Variants in AP3B2 observed in about 807,000 individuals in gnomAD.
The protein encoded by AP3B2 is AP-3 complex subunit beta-2.
A neutral mutation model predicts 126.9 loss-of-function variants in AP3B2; 50 were observed. That is an observed-to-expected ratio of 0.39 (90% confidence interval 0.31 to 0.50). The LOEUF is 0.50. Ranked by LOEUF, AP3B2 falls within the 20% of genes least tolerant of loss-of-function variation. The probability of loss-of-function intolerance (pLI) is 0.79; values close to 1 mark genes in which losing one functional copy is unlikely to be tolerated. For missense variants in AP3B2, 1,177 were observed against 1,426.4 expected, an observed-to-expected ratio of 0.83 and a Z score of 2.82; for synonymous variants, 541 against 565.0, an observed-to-expected ratio of 0.96 and a Z score of 0.60.
intron 1 of AP3B2, among the ~76,000 whole-genome samples, chr15:82,695,195 G>A (rs2048614024): frequency 1.3e-5 from 2 of 151,542 alleles, no homozygotes; most frequent in Admixed American, 1.3e-4. Flanking sequence ...CACCTTCTGG[G>A]TTGAAGCAAT....
At chr15:82,691,894 C>G in intron 1 of AP3B2, 2 of 1,267,156 alleles carry the variant, frequency 1.6e-6, no homozygotes, top group Non-Finnish European at 2.3e-6. Flanking sequence ...TAGTGTCATC[C>G]AATTTATGCA....
At position 82,663,176 on chromosome 15, in the gene AP3B2, G is replaced by C; in HGVS notation, c.2555C>G (p.Ala852Gly). The C allele has an allele frequency of 6.2e-7, 1 of 1,612,920 alleles. No homozygotes were observed. Among genetic ancestry groups the C allele is most frequent in the Non-Finnish European group, 8.5e-7 (1 of 1,179,764 alleles). ...GAGTGTCAGGCCCTCCAGGTCAGCA[G>C]CCAGACTGGTAGACACAATTGCTGG... is the stretch of plus-strand genomic sequence containing the variant. ...SPPAIVSTSL[A>G]ADLEGLTLTD... The change falls in exon 22 of 27, where the codon GCT becomes GGT. Residue 852 changes from alanine (A) to glycine (G), a missense_variant. By Grantham distance (60) the Ala-to-Gly change is moderately conservative (BLOSUM62 0). This residue lies in a region of AP3B2 where 587 missense variants were observed against 571.3 expected (regional missense o/e 1.03). Transcript: ENST00000535359.
chr15:82,699,445 C>T (rs2048683784), intron 1 of AP3B2, among the ~76,000 whole-genome samples: 1 of 152,146 alleles, frequency 6.6e-6, no homozygotes, highest in Non-Finnish European at 1.5e-5. Context: ...CCTCATCTCT[C>T]CTCACTCATA....
chr15:82,665,133 T>C lies in AP3B2; in HGVS notation c.2028+114A>G. 7.8e-7 allele frequency: 1 copy of C among 1,283,540 alleles called. No homozygotes were observed. The highest frequency in any genetic ancestry group is 1.1e-6 in the Non-Finnish European group (1 of 924,440). 79.5% of individuals were successfully genotyped at this position (1,283,540 alleles called of 1,614,324 possible). On this transcript the variant is annotated intron_variant, in intron 17 of 26. Coordinates refer to ENST00000535359, the MANE Select transcript of AP3B2 (RefSeq NM_001278512.2). This position sits in a 1 kb window ranked among gnomAD's most constrained non-coding sequence, Gnocchi z 4.4. The stretch of plus-strand genomic sequence containing the variant: ...GGGAATGCTGCTCACAGAGGAGCAC[T>C]GCCAAACCAAGGTGGAAACAGAGTA...
chr15:82,661,406 A>C (rs551756782), intron 25 of AP3B2, among the ~76,000 whole-genome samples: 1 of 152,272 alleles, frequency 6.6e-6, no homozygotes, highest in South Asian at 2.1e-4. Context: ...GGTTTTGCAA[A>C]TTACAGCCTC....
intron 14 of AP3B2, among the ~76,000 whole-genome samples, chr15:82,669,209 G>C (rs977595408): frequency 1.3e-5 from 2 of 152,166 alleles, no homozygotes; most frequent in Non-Finnish European, 2.9e-5. Flanking sequence ...AGAAGACTCT[G>C]TATTGGAAGT....
At position 82,664,527 on chromosome 15, in the gene AP3B2, G is replaced by A; in HGVS notation, c.2138-37C>T. On this transcript the variant is annotated intron_variant, in intron 18 of 26. Transcript: ENST00000535359. The surrounding 1 kb of genome is among the most constrained non-coding windows in gnomAD (Gnocchi z 4.5). ...CAATATGAGGCCTCCTCCCTCATAT[G>A]CAGGCCTCCTTGGGTCTGGAGCAGA... is the stretch of plus-strand genomic sequence containing the variant. 6.3e-7 allele frequency: 1 copy of A among 1,592,728 alleles called. No individual in the cohort carries two copies.
In AP3B2 at chr15:82,681,149, A is replaced by G. The variant is rs762190371; in HGVS notation, c.551T>C (p.Ile184Thr). ...AGCCAGAAGCTTCTCAATGACTTCT[A>G]TCAGCTGATCCTTCTGGTCAGAGTC... ...SLDSDQKDQL[I>T]EVIEKLLADK... The change falls in exon 6 of 27, where the codon ATA becomes ACA. Residue 184 changes from isoleucine to threonine, a missense_variant. Ile to Thr is a moderately conservative substitution (Grantham distance 89). Around this residue, in one of 5 missense-constraint regions of AP3B2, gnomAD observed 130 missense variants for 262.0 expected, o/e 0.50. Coordinates refer to ENST00000535359, the MANE Select transcript of AP3B2 (RefSeq NM_001278512.2). This position sits in a 1 kb window ranked among gnomAD's most constrained non-coding sequence, Gnocchi z 4.0. 8 of 1,613,008 alleles carry G rather than the reference A, an allele frequency of 5.0e-6. No homozygotes were observed. Among genetic ancestry groups the G allele is most frequent in the African/African-American group, 1.3e-5 (1 of 75,006 alleles).
At chr15:82,706,241 C>T (rs2048793806) in intron 1 of AP3B2, among the ~76,000 whole-genome samples, 1 of 152,144 alleles carries the variant, frequency 6.6e-6, no homozygotes, top group African/African-American at 2.4e-5. Flanking sequence ...ATACTTTCTG[C>T]CCCCCTCCAC....
intron 12 of AP3B2, 120 bp downstream of exon 12, chr15:82,677,551 C>T: frequency 1.4e-6 from 2 of 1,414,776 alleles, no homozygotes; most frequent in Non-Finnish European, 9.5e-7. Context: ...TCAAGACAGA[C>T]AGACCAATGG....
chr15:82,698,868 G>C (rs1013122796), intron 1 of AP3B2, among the ~76,000 whole-genome samples: 1 of 152,136 alleles, frequency 6.6e-6, no homozygotes, highest in Non-Finnish European at 1.5e-5. Flanking sequence ...GGAATGAAAG[G>C]GGGCAGGACC....
Position 82,689,377 on chromosome 15 carries a change from C to T in AP3B2, c.189+1G>A. On this transcript the variant is annotated splice_donor_variant, in intron 2 of 26. Coordinates refer to ENST00000535359, the MANE Select transcript of AP3B2 (RefSeq NM_001278512.2). LOFTEE classifies it high-confidence loss of function. ...GGGAGGCCTCCTCCTTCCCCTCTTA[C>T]CGCCACAATCCTCTTCATGGCCTCC... 1 of 1,613,872 alleles carries T rather than the reference C, an allele frequency of 6.2e-7. No individual in the cohort carries two copies. Among genetic ancestry groups the T allele is most frequent in the Non-Finnish European group, 8.5e-7 (1 of 1,179,862 alleles).
In AP3B2 at chr15:82,680,106, C is replaced by T; in HGVS notation, c.1110+69G>A. 6.3e-7 allele frequency: 1 copy of T among 1,597,446 alleles called. No homozygotes were observed. The highest frequency in any genetic ancestry group is 8.5e-7 in the Non-Finnish European group (1 of 1,170,904). On this transcript the variant is annotated intron_variant, in intron 9 of 26. Transcript: ENST00000535359. The surrounding 1 kb of genome is among the most constrained non-coding windows in gnomAD (Gnocchi z 6.1). Reference sequence around the variant, plus strand: ...CTTTCCCCGGCCCCGGTCCCAGCCCCGACAACGCCTCCAGTGCCCGCAGAA... The same window carrying T: ...CTTTCCCCGGCCCCGGTCCCAGCCCTGACAACGCCTCCAGTGCCCGCAGAA...
At chr15:82,702,694 C>A (rs1239515461) in intron 1 of AP3B2, among the ~76,000 whole-genome samples, 1 of 152,088 alleles carries the variant, frequency 6.6e-6, no homozygotes, top group African/African-American at 2.4e-5. Context: ...TCAGACTCAG[C>A]CGGCCTGCAA....
intron 14 of AP3B2, among the ~76,000 whole-genome samples, chr15:82,671,505 G>A (rs572804896): frequency 4.5e-4 from 68 of 152,208 alleles, no homozygotes; most frequent in African/African-American, 1.4e-3. Flanking sequence ...TTGGGAGGCC[G>A]AGGTGGGTGG....
At chr15:82,674,446 C>T (rs2048210241) in intron 14 of AP3B2, among the ~76,000 whole-genome samples, 1 of 152,224 alleles carries the variant, frequency 6.6e-6, no homozygotes, top group Non-Finnish European at 1.5e-5. Context: ...GGTGAGTGTC[C>T]ATTTGCCTGA....
Position 82,709,663 on chromosome 15 carries a change from G to A in AP3B2, c.44C>T (p.Ala15Val), listed in dbSNP as rs2048852501. The A allele has an allele frequency of 1.3e-6, 2 of 1,511,664 alleles. No individual in the cohort carries two copies. 93.6% of individuals were successfully genotyped at this position (1,511,664 alleles called of 1,614,324 possible). The stretch of plus-strand genomic sequence containing the variant: ...GCCGTACTCGGGCTCCCCGGGGCCA[G>A]CGGAGCCGCCCTTGTCTTCGCTGTA... ...PAYSEDKGGS[A>V]GPGEPEYGHD... Residue 15 changes from alanine to valine, a missense_variant, in exon 1 of 27, where the codon GCT becomes GTT. This residue lies in a region of AP3B2 where 49 missense variants were observed against 39.3 expected (regional missense o/e 1.25). Transcript: ENST00000535359.
At chr15:82,700,336 A>C (rs2048698408) in intron 1 of AP3B2, among the ~76,000 whole-genome samples, 1 of 135,658 alleles carries the variant, frequency 7.4e-6, no homozygotes, top group South Asian at 2.5e-4. Context: ...AACTGCTCTC[A>C]CATCCTTGGC....
intron 12 of AP3B2, 65 bp from the exon 13 acceptor site, chr15:82,677,448 C>CA: frequency 2.7e-6 from 4 of 1,475,050 alleles, no homozygotes; most frequent in Non-Finnish European, 3.7e-6. Context: ...GGTGGACAGA[C>CA]ACACCTGCAG....
Sources: gnomAD v4.1 joint callset for allele counts (sites outside exome capture counted in the v4.1 genomes callset) on GRCh38, gnomAD v4.1.1 for gene constraint, gnomAD v4.1.1 regional missense constraint, Gnocchi (gnomAD v3.1) non-coding constraint, MANE v1.5 for transcripts, NCBI Gene and HGNC (gene_info 2026-07-23, HGNC 2026-07-21) for gene names.